Variants in APBA1 observed in about 807,000 individuals in gnomAD.
The protein encoded by APBA1 is amyloid-beta A4 precursor protein-binding family A member 1.
APBA1 carries 55 observed loss-of-function variants against 86.6 expected under a neutral mutation model. The ratio of observed to expected loss-of-function variants is 0.64; its 90% CI spans 0.51 to 0.80. The LOEUF (loss-of-function observed/expected upper bound fraction) is 0.80, where lower values mean the gene tolerates loss of function less well. APBA1 is among the 30% of genes least tolerant of loss of function. The pLI is 0.00. For missense variants in APBA1, 1,090 were observed against 1,183.0 expected (o/e 0.92, Z 1.15); for synonymous variants, 511 against 493.9 (o/e 1.03, Z -0.46).
intron 1 of APBA1, among the ~76,000 whole-genome samples, chr9:69,530,306 G>GTGTATA (rs1160941965): frequency 3.4e-5 from 4 of 116,126 alleles, no homozygotes; most frequent in Non-Finnish European, 1.7e-5. Context: ...TTGTGTGTGT[G>GTGTATA]TATATATATA....
intron 8 of APBA1, among the ~76,000 whole-genome samples, chr9:69,453,331 T>C (rs2781533): frequency 0.2 from 30,176 of 152,116 alleles, 3,138 homozygotes; most frequent in South Asian, 0.31. Flanking sequence ...ACCCTGCATT[T>C]TCCAGTTGAG....
chr9:69,611,058 GTTGTT>G (rs1219657855), intron 1 of APBA1, among the ~76,000 whole-genome samples: 1 of 150,950 alleles, frequency 6.6e-6, no homozygotes, highest in East Asian at 1.9e-4. Context: ...TTTTGTTGTT[GTTGTT>G]TTAAGTCTGG....
intron 1 of APBA1, among the ~76,000 whole-genome samples, chr9:69,639,112 T>C (rs997316034): frequency 2.0e-5 from 3 of 152,196 alleles, no homozygotes; most frequent in African/African-American, 7.2e-5. Context: ...GAAAAACTTC[T>C]ATTTTACAGA....
chr9:69,528,632 C>CT (rs903213232), intron 1 of APBA1, among the ~76,000 whole-genome samples: 77 of 152,000 alleles, frequency 5.1e-4, no homozygotes, highest in Non-Finnish European at 8.1e-4. Context: ...GTTACAATCC[C>CT]TTTTTTATGC....
At chr9:69,664,380 T>C (rs928324750) in intron 1 of APBA1, among the ~76,000 whole-genome samples, 2 of 152,202 alleles carry the variant, frequency 1.3e-5, no homozygotes, top group African/African-American at 4.8e-5. Flanking sequence ...CAAACGTTCT[T>C]ACATTAAGTG....
intron 2 of APBA1, among the ~76,000 whole-genome samples, chr9:69,492,869 G>C (rs1310765140): frequency 6.6e-6 from 1 of 151,988 alleles, no homozygotes; most frequent in African/African-American, 2.4e-5. Context: ...ACGAAACTCG[G>C]CAACAGAAAT....
chr9:69,532,002 C>A (rs1393419314), intron 1 of APBA1, among the ~76,000 whole-genome samples: 3 of 152,162 alleles, frequency 2.0e-5, no homozygotes, highest in Non-Finnish European at 4.4e-5. Flanking sequence ...GCTCTAAGAA[C>A]AAGAATTTAA....
intron 1 of APBA1, among the ~76,000 whole-genome samples, chr9:69,563,317 A>G (rs933452207): frequency 7.8e-6 from 1 of 128,654 alleles, no homozygotes; most frequent in African/African-American, 2.8e-5. Flanking sequence ...GAAATTAAAA[A>G]GATTTTTCTA....
intron 2 of APBA1, among the ~76,000 whole-genome samples, chr9:69,499,337 T>C (rs1426680473): frequency 2.6e-5 from 4 of 152,062 alleles, no homozygotes; most frequent in Non-Finnish European, 5.9e-5. Context: ...GAAATAGGGT[T>C]CCAACTGAAC....
intron 1 of APBA1, among the ~76,000 whole-genome samples, chr9:69,614,453 A>C (rs1004698197): frequency 6.6e-6 from 1 of 152,234 alleles, no homozygotes; most frequent in African/African-American, 2.4e-5. Context: ...CAAATGTTAA[A>C]AAGTATGTAA....
intron 2 of APBA1, among the ~76,000 whole-genome samples, chr9:69,505,012 G>C (rs964161521): frequency 1.3e-5 from 2 of 151,930 alleles, no homozygotes; most frequent in African/African-American, 2.4e-5. Context: ...GCCTTTGTTG[G>C]GGGGCGTCTA....
At chr9:69,497,639 ACTC>A (rs1346630446) in intron 2 of APBA1, among the ~76,000 whole-genome samples, 2 of 152,010 alleles carry the variant, frequency 1.3e-5, no homozygotes, top group East Asian at 3.9e-4. Flanking sequence ...ATAAAGTTAA[ACTC>A]CTCCTTCTGA....
chr9:69,447,214 T>C lies in APBA1; in HGVS notation c.2181+2370A>G, dbSNP rs558208062. Among the ~76,000 whole-genome samples the C allele has an allele frequency of 7.9e-5, 12 of 152,280 alleles. No homozygotes were observed. The South Asian group carries it at 2.5e-3, about 32-fold the overall frequency. On this transcript the variant is annotated intron_variant, in intron 10 of 12. Coordinates refer to ENST00000265381, the MANE Select transcript of APBA1 (RefSeq NM_001163.4). ...ACCTCCAAATAACATCACATTGGGA[T>C]TAGGGTTTCAATATGTATTTGGAGG...
intron 1 of APBA1, among the ~76,000 whole-genome samples, chr9:69,553,235 T>C (rs919707680): frequency 2.6e-5 from 4 of 152,204 alleles, no homozygotes; most frequent in South Asian, 2.1e-4. Context: ...TTAGATACCA[T>C]AAATGCACAG....
Position 69,467,825 on chromosome 9 carries a change from T to C in APBA1, c.1480A>G (p.Lys494Glu). The stretch of plus-strand genomic sequence containing the variant: ...TTGGAGCACCCAGATGTCCTCACCT[T>C]GATCCTGCTTACGGCTTCCTGGGCC... ...MQAQEAVSRI[K>E]MAQKLAKSRK... The change falls in exon 5 of 13, where the codon AAG becomes GAG. Residue 494 changes from lysine (K) to glutamate (E), a missense_variant and splice_region_variant. Physicochemically the swap from Lys to Glu is moderately conservative, Grantham distance 56. Coordinates refer to ENST00000265381, the MANE Select transcript of APBA1 (RefSeq NM_001163.4). The C allele has an allele frequency of 1.2e-6, 2 of 1,614,202 alleles. No individual in the cohort carries two copies. Among genetic ancestry groups the C allele is most frequent in the Middle Eastern group, 1.6e-4 (1 of 6,062 alleles).
At chr9:69,670,282 C>T (rs923589978) in intron 1 of APBA1, among the ~76,000 whole-genome samples, 6 of 151,948 alleles carry the variant, frequency 3.9e-5, no homozygotes, top group Non-Finnish European at 5.9e-5. Context: ...ATTTTCACAA[C>T]GATATCATGC....
intron 1 of APBA1, among the ~76,000 whole-genome samples, chr9:69,544,685 A>G (rs1038615945): frequency 6.6e-6 from 1 of 152,182 alleles, no homozygotes; most frequent in African/African-American, 2.4e-5. Flanking sequence ...AAAACATATA[A>G]CTAATTTGGT....
intron 11 of APBA1, among the ~76,000 whole-genome samples, chr9:69,436,542 T>C (rs1035401646): frequency 2.1e-5 from 3 of 145,498 alleles, no homozygotes; most frequent in African/African-American, 7.8e-5. Flanking sequence ...TTTGAAGCAA[T>C]TGTGAATGGG....
At chr9:69,639,789 T>C (rs1303796445) in intron 1 of APBA1, among the ~76,000 whole-genome samples, 1 of 152,202 alleles carries the variant, frequency 6.6e-6, no homozygotes, top group Non-Finnish European at 1.5e-5. Context: ...GTGTTTCTCC[T>C]TATAGAAGTC....
Sources: gnomAD v4.1 joint callset for allele counts (sites outside exome capture counted in the v4.1 genomes callset) on GRCh38, gnomAD v4.1.1 for gene constraint, MANE v1.5 for transcripts, NCBI Gene and HGNC (gene_info 2026-07-23, HGNC 2026-07-21) for gene names.